WDFY2: variants seen among roughly 807,000 people sequenced by gnomAD.
WDFY2 encodes WD repeat and FYVE domain-containing protein 2.
WDFY2 carries 36 observed loss-of-function variants against 56.4 expected under a neutral mutation model. That is an observed-to-expected ratio of 0.64 (90% CI 0.49 to 0.84). WDFY2 has a LOEUF of 0.84. Ranked by LOEUF, WDFY2 falls within the 40% of genes least tolerant of loss-of-function variation. The probability of loss-of-function intolerance (pLI) is 0.00; values close to 1 mark genes in which losing one functional copy is unlikely to be tolerated. For synonymous variants in WDFY2, 176 were observed against 183.7 expected (o/e 0.96, Z 0.34); for missense variants, 444 against 512.2 (o/e 0.87, Z 1.29).
At chr13:51,694,204 G>A (rs567417239) in intron 3 of WDFY2, among the ~76,000 whole-genome samples, 16 of 152,154 alleles carry the variant, frequency 1.1e-4, no homozygotes, top group African/African-American at 3.6e-4. Flanking sequence ...ATATTTTTAT[G>A]TGTGAATTTG....
chr13:51,695,653 G>A (rs1327715650), intron 3 of WDFY2, among the ~76,000 whole-genome samples: 1 of 152,238 alleles, frequency 6.6e-6, no homozygotes, highest in Non-Finnish European at 1.5e-5. Context: ...CACCTGAGGA[G>A]GCAGTCTGCC....
chr13:51,672,063 C>T (rs1014112323), intron 2 of WDFY2, among the ~76,000 whole-genome samples: 7 of 152,122 alleles, frequency 4.6e-5, no homozygotes, highest in African/African-American at 1.4e-4. Context: ...GGATTACAGG[C>T]GTGAGCCGCT....
chr13:51,625,901 G>T (rs992707444), intron 1 of WDFY2, among the ~76,000 whole-genome samples: 3 of 152,214 alleles, frequency 2.0e-5, no homozygotes, highest in African/African-American at 7.2e-5. Flanking sequence ...AGTTCCTCCT[G>T]TTAGATTGTT....
At chr13:51,722,146 C>T (rs1193215018) in intron 5 of WDFY2, among the ~76,000 whole-genome samples, 2 of 151,906 alleles carry the variant, frequency 1.3e-5, no homozygotes, top group African/African-American at 4.8e-5. Context: ...TATTTATCTT[C>T]ATAGTAGACA....
intron 1 of WDFY2, among the ~76,000 whole-genome samples, chr13:51,612,850 C>T (rs1445383106): frequency 1.3e-5 from 2 of 152,198 alleles, no homozygotes; most frequent in Non-Finnish European, 2.9e-5. Flanking sequence ...TGATCAGTAG[C>T]ATGTGGTATA....
intron 11 of WDFY2, among the ~76,000 whole-genome samples, chr13:51,758,946 G>A: frequency 6.6e-6 from 1 of 152,120 alleles, no homozygotes; most frequent in East Asian, 1.9e-4. Context: ...CCCTTTGGGA[G>A]GTGAGACGGA....
chr13:51,708,292 G>C (rs554656254), intron 4 of WDFY2, among the ~76,000 whole-genome samples: 55 of 148,088 alleles, frequency 3.7e-4, no homozygotes, highest in Non-Finnish European at 7.3e-4. Flanking sequence ...AGGAGTTTGA[G>C]ACCAGCCTGG....
At chr13:51,664,802 C>T (rs955848941) in intron 2 of WDFY2, among the ~76,000 whole-genome samples, 11 of 152,044 alleles carry the variant, frequency 7.2e-5, no homozygotes, top group African/African-American at 1.2e-4. Flanking sequence ...ATTGGTGACA[C>T]GGTAGAGTTG....
chr13:51,739,725 G>C (rs1393241656), intron 7 of WDFY2, among the ~76,000 whole-genome samples: 1 of 152,104 alleles, frequency 6.6e-6, no homozygotes, highest in Non-Finnish European at 1.5e-5. Context: ...CATTTCCTTG[G>C]AGCAGTTCTC....
At chr13:51,738,053 T>A (rs775388058) in intron 6 of WDFY2, among the ~76,000 whole-genome samples, 16 of 152,298 alleles carry the variant, frequency 1.1e-4, no homozygotes, top group South Asian at 2.1e-4. Context: ...GAAACTTCCC[T>A]GAAAGCTCTT....
chr13:51,753,948 C>G (rs2138726775), intron 8 of WDFY2, among the ~76,000 whole-genome samples: 1 of 151,856 alleles, frequency 6.6e-6, no homozygotes, highest in East Asian at 1.9e-4. Context: ...AAAAAATTAG[C>G]CAGGCATGGT....
intron 3 of WDFY2, among the ~76,000 whole-genome samples, chr13:51,682,905 A>G (rs1201620931): frequency 6.6e-6 from 1 of 152,190 alleles, no homozygotes; most frequent in African/African-American, 2.4e-5. Flanking sequence ...CCTTAGGACT[A>G]TTCAACTTAT....
In WDFY2 at chr13:51,763,067, T is replaced by C. The variant is rs931456353; in HGVS notation, c.*3298T>C. 11 of 152,166 alleles carry C rather than the reference T, an allele frequency of 7.2e-5. No homozygotes were observed. The highest frequency in any genetic ancestry group is 1.5e-5 in the Non-Finnish European group (1 of 68,028). 9.4% of individuals were successfully genotyped at this position (152,166 alleles called of 1,614,324 possible). A position where few individuals can be genotyped will look rare whatever the true frequency, so the allele number is the denominator to read the frequency against. On this transcript the variant is annotated 3_prime_UTR_variant, in exon 12 of 12. Transcript: ENST00000298125. ...CATAAAGTCACAAAACTGGAAGGGA[T>C]CTTCAGAGATCTAGAGTGTTTCAAG...
chr13:51,596,251 A>C (rs945491456), intron 1 of WDFY2, among the ~76,000 whole-genome samples: 1 of 152,220 alleles, frequency 6.6e-6, no homozygotes, highest in Non-Finnish European at 1.5e-5. Context: ...ATTTTTATCT[A>C]GAAAATAAAA....
At chr13:51,754,885 C>T (rs958977817) in intron 8 of WDFY2, among the ~76,000 whole-genome samples, 1 of 151,982 alleles carries the variant, frequency 6.6e-6, no homozygotes, top group Non-Finnish European at 1.5e-5. Flanking sequence ...TTTGTTTTTA[C>T]TACATAATTT....
intron 3 of WDFY2, among the ~76,000 whole-genome samples, chr13:51,679,811 T>G (rs1205497358): frequency 6.6e-6 from 1 of 152,140 alleles, no homozygotes; most frequent in Non-Finnish European, 1.5e-5. Context: ...TAGCTTCTGG[T>G]GGTTGCTAGC....
At chr13:51,720,924 A>G (rs190980615) in intron 5 of WDFY2, among the ~76,000 whole-genome samples, 11 of 151,094 alleles carry the variant, frequency 7.3e-5, no homozygotes, top group Non-Finnish European at 1.6e-4. Flanking sequence ...AATTTTGGGG[A>G]GACATAATCA....
chr13:51,610,692 C>T (rs1217082526), intron 1 of WDFY2, among the ~76,000 whole-genome samples: 1 of 152,166 alleles, frequency 6.6e-6, no homozygotes, highest in Non-Finnish European at 1.5e-5. Context: ...TATTAATGGA[C>T]AACAGTCATG....
At chr13:51,726,947 TTG>T (rs1425779255) in intron 5 of WDFY2, among the ~76,000 whole-genome samples, 1 of 152,236 alleles carries the variant, frequency 6.6e-6, no homozygotes, top group Non-Finnish European at 1.5e-5. Context: ...ATAATATTTG[TTG>T]TGTTTTTGAG....
Sources: allele counts gnomAD v4.1 joint callset (sites outside exome capture counted in the v4.1 genomes callset), GRCh38; gene constraint gnomAD v4.1.1; transcripts MANE v1.5; gene names NCBI Gene and HGNC (gene_info 2026-07-23, HGNC 2026-07-21).